Variants in THOC2 observed in about 807,000 individuals in gnomAD.
THOC2 encodes THO complex 2.
In THOC2, 10 loss-of-function variants were observed where a neutral mutation model predicts 128.4. The ratio of observed to expected loss-of-function variants is 0.08; its 90% CI spans 0.05 to 0.13. The LOEUF (loss-of-function observed/expected upper bound fraction) is 0.13, where lower values mean the gene tolerates loss of function less well. Ranked by LOEUF, THOC2 falls within the 10% of genes least tolerant of loss-of-function variation. THOC2 has a pLI of 1.00. For synonymous variants in THOC2, 393 were observed against 396.9 expected (o/e 0.99, Z 0.12); for missense variants, 535 against 1,155.7 (o/e 0.46, Z 7.79).
chrX:123,717,935 G>A (rs1330645809), intron 1 of THOC2, among the ~76,000 whole-genome samples: 1 of 112,498 alleles, frequency 8.9e-6, no homozygotes, highest in East Asian at 2.8e-4. Flanking sequence ...ACTGTAGATA[G>A]AAAAATACTT....
intron 38 of THOC2, among the ~76,000 whole-genome samples, chrX:123,608,986 T>A (rs759756810): frequency 3.6e-5 from 4 of 112,263 alleles, no homozygotes; most frequent in Non-Finnish European, 7.5e-5. Context: ...TACAAATTCA[T>A]GGTCAGTGCA....
rs192882333 is a variant in THOC2, at chrX:123,698,407, G to A, written c.275-656C>T. On this transcript the variant is annotated intron_variant, in intron 4 of 38. Coordinates refer to ENST00000245838, the MANE Select transcript of THOC2 (RefSeq NM_001081550.2). ...CGGGAGGCGGAGCTTGCAGTGAGCC[G>A]AGATCGTGCCACTGCACTCCAGCCT... is the stretch of plus-strand genomic sequence containing the variant. 7.5e-3 allele frequency among the ~76,000 whole-genome samples: 784 copies of A among 103,872 alleles called. 7 individuals carry two copies. The highest frequency in any genetic ancestry group is 0.026 in the African/African-American group (734 of 28,008). The allele number at this position is 103,872 out of a possible 115,157, so 90.2% of individuals were successfully genotyped here.
intron 2 of THOC2, among the ~76,000 whole-genome samples, chrX:123,709,452 G>A (rs1238957025): frequency 2.7e-5 from 3 of 110,513 alleles, no homozygotes; most frequent in African/African-American, 6.6e-5. Context: ...TTAGCCGGGC[G>A]TGGTGGCGGG....
chrX:123,727,194 C>T, intron 1 of THOC2, among the ~76,000 whole-genome samples: 1 of 109,571 alleles, frequency 9.1e-6, no homozygotes, highest in Non-Finnish European at 1.9e-5. Flanking sequence ...GCCTAGGTGA[C>T]AAAGCAAGAC....
intron 22 of THOC2, among the ~76,000 whole-genome samples, chrX:123,628,281 C>T (rs772470210): frequency 9.0e-6 from 1 of 111,559 alleles, no homozygotes; most frequent in African/African-American, 3.3e-5. Flanking sequence ...ACCCTACTCC[C>T]TCTTGCTGCT....
intron 5 of THOC2, among the ~76,000 whole-genome samples, chrX:123,697,479 T>G (rs1348723875): frequency 8.9e-6 from 1 of 112,242 alleles, no homozygotes; most frequent in Admixed American, 9.5e-5. Context: ...ATAGATAGTT[T>G]AAGTGATATG....
At chrX:123,704,901 T>C (rs1936389266) in intron 3 of THOC2, among the ~76,000 whole-genome samples, 1 of 111,787 alleles carries the variant, frequency 8.9e-6, no homozygotes, top group Non-Finnish European at 1.9e-5. Context: ...TCCTCCTGTT[T>C]CTGAATAAAA....
intron 8 of THOC2, among the ~76,000 whole-genome samples, chrX:123,683,372 T>C (rs889046907): frequency 9.0e-6 from 1 of 110,820 alleles, no homozygotes; most frequent in Non-Finnish European, 1.9e-5. Context: ...TGTGAACATT[T>C]TCAGGTAGTG....
chrX:123,697,282 C>T (rs969439761), intron 5 of THOC2, among the ~76,000 whole-genome samples: 1 of 112,118 alleles, frequency 8.9e-6, no homozygotes, highest in Admixed American at 9.5e-5. Flanking sequence ...TACCAGACAA[C>T]AATCATGGCA....
chrX:123,694,467 T>C (rs2050361277), intron 7 of THOC2, among the ~76,000 whole-genome samples: 1 of 109,722 alleles, frequency 9.1e-6, no homozygotes, highest in Admixed American at 9.6e-5. Context: ...ATACAAAAAT[T>C]AGCTGGGTGT....
intron 4 of THOC2, among the ~76,000 whole-genome samples, chrX:123,700,487 C>CTGAA (rs1322952541): frequency 1.1e-5 from 1 of 90,300 alleles, no homozygotes; most frequent in Non-Finnish European, 2.2e-5. Context: ...GGCAACAAGA[C>CTGAA]TGAAACTCCA....
At chrX:123,701,419 GA>G (rs2050696537) in intron 4 of THOC2, among the ~76,000 whole-genome samples, 2 of 111,830 alleles carry the variant, frequency 1.8e-5, no homozygotes, top group Non-Finnish European at 3.8e-5. Context: ...TCATCTTCAT[GA>G]ATTCATGTTA....
chrX:123,704,732 C>T (rs968779831), intron 3 of THOC2, among the ~76,000 whole-genome samples: 3 of 111,226 alleles, frequency 2.7e-5, no homozygotes, highest in Non-Finnish European at 3.8e-5. Context: ...GTGGCATGCG[C>T]CTGTAATCCC....
intron 37 of THOC2, 109 bp from the exon 38 acceptor site, chrX:123,611,072 C>T: frequency 1.4e-6 from 1 of 690,369 alleles, no homozygotes. Flanking sequence ...TCTGACCAGC[C>T]TGGTAGCCTC....
intron 32 of THOC2, chrX:123,620,666 T>C (rs1040060878): frequency 3.3e-5 from 10 of 306,114 alleles, no homozygotes; most frequent in Admixed American, 1.7e-4. Context: ...AAATTTCTCT[T>C]GCACTTTGAA....
intron 1 of THOC2, among the ~76,000 whole-genome samples, chrX:123,725,055 C>A (rs1246211792): frequency 8.9e-6 from 1 of 111,774 alleles, no homozygotes; most frequent in Non-Finnish European, 1.9e-5. Flanking sequence ...CATGATCGCA[C>A]CACTGCACTC....
rs138288766 is a variant in THOC2, at chrX:123,615,173, C to T, written c.4312-984G>A. On this transcript the variant is annotated intron_variant, in intron 33 of 38. Transcript: ENST00000245838. ...ATACTGAATATAACTCATTACATAA[C>T]TACACAATGCTAGATACACCTTAGG... Among the ~76,000 whole-genome samples the T allele has an allele frequency of 6.1e-3, 677 of 111,371 alleles. 3 individuals are homozygous for T. The highest frequency in any genetic ancestry group is 0.02 in the African/African-American group (624 of 30,835).
intron 18 of THOC2, among the ~76,000 whole-genome samples, chrX:123,637,525 C>T (rs923006389): frequency 2.7e-5 from 3 of 111,198 alleles, no homozygotes; most frequent in African/African-American, 9.8e-5. Context: ...CTTTGGGAGC[C>T]GAGGTGGGCG....
intron 9 of THOC2, among the ~76,000 whole-genome samples, chrX:123,670,818 C>A (rs1241389038): frequency 2.7e-5 from 3 of 111,806 alleles, no homozygotes; most frequent in Non-Finnish European, 5.6e-5. Flanking sequence ...CAATAGAGTA[C>A]CTATTAAATA....
Sources: gnomAD v4.1 joint callset for allele counts (sites outside exome capture counted in the v4.1 genomes callset) on GRCh38, gnomAD v4.1.1 for gene constraint, MANE v1.5 for transcripts, NCBI Gene and HGNC (gene_info 2026-07-23, HGNC 2026-07-21) for gene names.